ZFAT: variants seen among roughly 807,000 people sequenced by gnomAD.
ZFAT encodes the protein zinc finger protein ZFAT.
Under a neutral mutation model 117.7 loss-of-function variants are expected in ZFAT, and 64 were observed. The observed-to-expected ratio is 0.54, with a 90% CI of 0.44 to 0.67. The LOEUF is 0.67. Among genes scored for constraint, ZFAT ranks in the 30% least tolerant of loss-of-function variants. The pLI is 0.00. For missense variants in ZFAT, 1,433 were observed against 1,584.5 expected, an observed-to-expected ratio of 0.90 and a Z score of 1.62; for synonymous variants, 679 against 615.0, an observed-to-expected ratio of 1.10 and a Z score of -1.54.
intron 1 of ZFAT, among the ~76,000 whole-genome samples, chr8:134,699,436 C>T (rs1440979995): frequency 1.3e-5 from 2 of 152,274 alleles, no homozygotes; most frequent in South Asian, 2.1e-4. Flanking sequence ...GGAGTGGACT[C>T]TGTGCCATGA....
intron 2 of ZFAT, among the ~76,000 whole-genome samples, chr8:134,644,354 C>T (rs1043406785): frequency 1.3e-5 from 2 of 152,220 alleles, no homozygotes; most frequent in African/African-American, 2.4e-5. Context: ...CAAAACGAGG[C>T]TCTCGGGAGA....
Position 134,712,959 on chromosome 8 carries a change from CT to C in ZFAT, c.-97del. Reference sequence around the variant, plus strand: ...GGCGGGGCGCCCTGCTGACGCTTCGCTTTTTATTTTTATTTTTTTAAGAAAA... The same window carrying C: ...GGCGGGGCGCCCTGCTGACGCTTCGCTTTTATTTTTATTTTTTTAAGAAAA... On this transcript the variant is annotated 5_prime_UTR_variant, in exon 1 of 16. Coordinates refer to ENST00000377838, the MANE Select transcript of ZFAT (RefSeq NM_020863.4). The C allele has an allele frequency of 1.5e-6, 2 of 1,356,566 alleles. No individual in the cohort carries two copies. The highest frequency in any genetic ancestry group is 1.9e-6 in the Non-Finnish European group (2 of 1,030,562). 84.0% of individuals were successfully genotyped at this position (1,356,566 alleles called of 1,614,324 possible). A position where few individuals can be genotyped will look rare whatever the true frequency, so the allele number is the denominator to read the frequency against.
At chr8:134,590,158 AG>A in intron 8 of ZFAT, 109 bp downstream of exon 8, 1 of 743,926 alleles carries the variant, frequency 1.3e-6, no homozygotes, top group South Asian at 2.1e-5. Context: ...ATATATTCAC[AG>A]CTTCATCCCT....
chr8:134,609,171 T>C (rs549098496), intron 4 of ZFAT, among the ~76,000 whole-genome samples: 41 of 151,864 alleles, frequency 2.7e-4, no homozygotes, highest in Non-Finnish European at 5.3e-4. Context: ...CACACACATA[T>C]ACATATATAT....
At chr8:134,742,281 G>C in the ZFAT span, among the ~76,000 whole-genome samples, 1 of 151,902 alleles carries the variant, frequency 6.6e-6, no homozygotes, top group Non-Finnish European at 1.5e-5. Flanking sequence ...CGTCATCTAG[G>C]TTATATCAAG....
the ZFAT span, among the ~76,000 whole-genome samples, chr8:134,762,943 C>A: frequency 1.3e-5 from 2 of 152,182 alleles, no homozygotes; most frequent in Non-Finnish European, 2.9e-5. Context: ...CTGAATGCAA[C>A]TGCTGCTCAG....
intron 1 of ZFAT, among the ~76,000 whole-genome samples, chr8:134,667,471 C>CT (rs112368522): frequency 0.01 from 1,243 of 123,644 alleles, 14 homozygotes; most frequent in African/African-American, 0.037. Context: ...CCAGCCTGGG[C>CT]GACAGAGTGA....
intron 2 of ZFAT, among the ~76,000 whole-genome samples, chr8:134,655,375 C>A (rs193064882): frequency 6.6e-6 from 1 of 152,146 alleles, no homozygotes; most frequent in East Asian, 1.9e-4. Flanking sequence ...AGGCGGGGTA[C>A]GGTGGCTCAC....
At chr8:134,618,333 G>A (rs1828884739) in intron 3 of ZFAT, among the ~76,000 whole-genome samples, 1 of 152,188 alleles carries the variant, frequency 6.6e-6, no homozygotes, top group African/African-American at 2.4e-5. Context: ...CAGCACTGGG[G>A]TTGTCTGAGT....
chr8:134,544,731 C>T (rs1477002185), intron 11 of ZFAT, among the ~76,000 whole-genome samples: 1 of 151,820 alleles, frequency 6.6e-6, no homozygotes, highest in African/African-American at 2.4e-5. Flanking sequence ...TGAAAAGGGG[C>T]TCAACCTCAT....
chr8:134,567,603 C>G (rs1824565893), intron 10 of ZFAT, among the ~76,000 whole-genome samples: 1 of 152,138 alleles, frequency 6.6e-6, no homozygotes, highest in African/African-American at 2.4e-5. Flanking sequence ...TCAGAACCAA[C>G]CAATGGCCCC....
Position 134,588,398 on chromosome 8 carries a change from A to G in ZFAT, c.2564-3T>C, listed in dbSNP as rs1826216517. 3 of 1,573,444 alleles carry G rather than the reference A, an allele frequency of 1.9e-6. No homozygotes were observed. Among genetic ancestry groups the G allele is most frequent in the Non-Finnish European group, 2.6e-6 (3 of 1,160,962 alleles). On this transcript the variant is annotated splice_polypyrimidine_tract_variant and splice_region_variant and intron_variant, in intron 8 of 15. Transcript: ENST00000377838. ...AGAAATGGTGCTCATGGAGACCTCT[A>G]GAAGAAAAGCAGGATGTCAAAAGGA...
At chr8:134,741,947 C>G in the ZFAT span, among the ~76,000 whole-genome samples, 1 of 152,016 alleles carries the variant, frequency 6.6e-6, no homozygotes, top group Non-Finnish European at 1.5e-5. Flanking sequence ...AGTTCCCCTC[C>G]TCAACACCTC....
At chr8:134,757,474 T>C in the ZFAT span, among the ~76,000 whole-genome samples, 1 of 152,150 alleles carries the variant, frequency 6.6e-6, no homozygotes, top group Non-Finnish European at 1.5e-5. Flanking sequence ...ATTTTAGGGA[T>C]GAACTACTTG....
At chr8:134,764,718 A>T in the ZFAT span, 16 of 152,254 alleles carry the variant, frequency 1.1e-4, no homozygotes, top group African/African-American at 3.9e-4. Context: ...TTAAATGTAC[A>T]GTATTGTACT....
the ZFAT span, among the ~76,000 whole-genome samples, chr8:134,760,160 C>T: frequency 3.3e-5 from 5 of 150,416 alleles, no homozygotes; most frequent in South Asian, 2.1e-4. Context: ...CCCAGCTACC[C>T]GGGAGGCTGA....
the ZFAT span, among the ~76,000 whole-genome samples, chr8:134,762,276 C>T: frequency 1.3e-5 from 2 of 152,182 alleles, no homozygotes; most frequent in Admixed American, 1.3e-4. Context: ...TTAATTGTCA[C>T]TCATTTCTTT....
At chr8:134,583,614 CA>C (rs1414688311) in intron 10 of ZFAT, among the ~76,000 whole-genome samples, 1 of 149,466 alleles carries the variant, frequency 6.7e-6, no homozygotes, top group Non-Finnish European at 1.5e-5. Flanking sequence ...CTGGCACCGA[CA>C]CACCCAGTAA....
At chr8:134,799,583 C>T in the ZFAT span, among the ~76,000 whole-genome samples, 2 of 152,050 alleles carry the variant, frequency 1.3e-5, no homozygotes, top group East Asian at 3.9e-4. Context: ...CTCAACAATC[C>T]TATCAGGTAG....
Sources: gnomAD v4.1 joint callset for allele counts (sites outside exome capture counted in the v4.1 genomes callset) on GRCh38, gnomAD v4.1.1 for gene constraint, MANE v1.5 for transcripts, NCBI Gene and HGNC (gene_info 2026-07-23, HGNC 2026-07-21) for gene names.